KCND2: variants seen among roughly 807,000 people sequenced by gnomAD.
KCND2 encodes the protein potassium voltage-gated channel subfamily D member 2, also known as A-type voltage-gated potassium channel KCND2.
A neutral mutation model predicts 54.4 loss-of-function variants in KCND2; 16 were observed. The observed-to-expected ratio is 0.29, with a 90% CI of 0.20 to 0.45. The LOEUF is 0.45. Among genes scored for constraint, KCND2 ranks in the 20% least tolerant of loss-of-function variants. The probability of loss-of-function intolerance (pLI) is 1.00; values close to 1 mark genes in which losing one functional copy is unlikely to be tolerated. For missense variants in KCND2, 486 were observed against 824.2 expected (o/e 0.59, Z 5.02); for synonymous variants, 317 against 310.7 (o/e 1.02, Z -0.21).
chr7:120,561,598 ATTTTTTTTTTTTTTTTT>A (rs57015988), intron 1 of KCND2, among the ~76,000 whole-genome samples: 1 of 47,280 alleles, frequency 2.1e-5, no homozygotes, highest in African/African-American at 7.8e-5. Context: ...AAGCTACCTG[ATTTTTTTTTTTTTTTTT>A]TTTTTTTTTT....
intron 1 of KCND2, among the ~76,000 whole-genome samples, chr7:120,461,199 T>C (rs1802279417): frequency 6.6e-6 from 1 of 152,118 alleles, no homozygotes; most frequent in Non-Finnish European, 1.5e-5. Flanking sequence ...GCAGCTCAGC[T>C]CCTACAATGA....
intron 1 of KCND2, among the ~76,000 whole-genome samples, chr7:120,356,091 A>G (rs1800499593): frequency 6.6e-6 from 1 of 152,140 alleles, no homozygotes; most frequent in Admixed American, 6.6e-5. Context: ...GTTATTAGAA[A>G]GGACAAACCA....
At chr7:120,657,518 A>G (rs1222303918) in intron 1 of KCND2, among the ~76,000 whole-genome samples, 1 of 152,094 alleles carries the variant, frequency 6.6e-6, no homozygotes. Flanking sequence ...CGTACATGCT[A>G]GTGTGAAATA....
chr7:120,409,017 G>A (rs1801408165), intron 1 of KCND2, among the ~76,000 whole-genome samples: 1 of 151,872 alleles, frequency 6.6e-6, no homozygotes, highest in Non-Finnish European at 1.5e-5. Flanking sequence ...GGAAGGTCAC[G>A]CTAAGAGCAA....
chr7:120,467,163 C>T (rs1001608584), intron 1 of KCND2, among the ~76,000 whole-genome samples: 1 of 152,028 alleles, frequency 6.6e-6, no homozygotes, highest in Non-Finnish European at 1.5e-5. Flanking sequence ...AAGCCTAACA[C>T]TGTATATTAA....
intron 1 of KCND2, among the ~76,000 whole-genome samples, chr7:120,436,174 A>G (rs535921252): frequency 1.3e-5 from 2 of 152,350 alleles, no homozygotes; most frequent in Admixed American, 1.3e-4. Context: ...ATTCTTTCCA[A>G]TAAAAATATT....
At chr7:120,742,034 G>C (rs1179130192) in intron 3 of KCND2, among the ~76,000 whole-genome samples, 1 of 152,158 alleles carries the variant, frequency 6.6e-6, no homozygotes, top group Non-Finnish European at 1.5e-5. Context: ...TCATAACGAA[G>C]AGGGAATACT....
chr7:120,337,124 CA>C (rs1800162800), intron 1 of KCND2, among the ~76,000 whole-genome samples: 1 of 151,936 alleles, frequency 6.6e-6, no homozygotes, highest in South Asian at 2.1e-4. Flanking sequence ...TGTCATGCTA[CA>C]AGGTGAAAGT....
intron 1 of KCND2, among the ~76,000 whole-genome samples, chr7:120,398,520 A>C (rs1276400527): frequency 3.3e-5 from 5 of 152,042 alleles, no homozygotes; most frequent in African/African-American, 1.2e-4. Flanking sequence ...GTGTCTCTAG[A>C]GGGAGTGAGT....
chr7:120,545,083 A>C (rs1792027149), intron 1 of KCND2, among the ~76,000 whole-genome samples: 1 of 151,900 alleles, frequency 6.6e-6, no homozygotes, highest in African/African-American at 2.4e-5. Context: ...TATATATTCA[A>C]ACAAACATTA....
At chr7:120,482,779 A>G (rs1267846144) in intron 1 of KCND2, among the ~76,000 whole-genome samples, 1 of 152,202 alleles carries the variant, frequency 6.6e-6, no homozygotes, top group Admixed American at 6.5e-5. Flanking sequence ...TAAATTACCT[A>G]GTCTGTGGCA....
intron 1 of KCND2, among the ~76,000 whole-genome samples, chr7:120,494,328 A>C (rs1260927874): frequency 6.6e-6 from 1 of 152,116 alleles, no homozygotes; most frequent in Non-Finnish European, 1.5e-5. Flanking sequence ...TTATTTCTAT[A>C]TATTGTGACA....
chr7:120,464,004 G>A (rs1250283358), intron 1 of KCND2: 1 of 951,364 alleles, frequency 1.1e-6, no homozygotes, highest in Non-Finnish European at 1.2e-6. Flanking sequence ...TAAATAAAAT[G>A]TTTCTTAGTT....
chr7:120,519,743 T>C (rs1269941693), intron 1 of KCND2, among the ~76,000 whole-genome samples: 2 of 152,154 alleles, frequency 1.3e-5, no homozygotes, highest in Non-Finnish European at 2.9e-5. Context: ...ATAGCCACCA[T>C]AATTTAATGG....
At position 120,611,811 on chromosome 7, in the gene KCND2, G is replaced by A. The variant is rs138424747; in HGVS notation, c.1116-121092G>A. 2.3e-3 allele frequency among the ~76,000 whole-genome samples: 350 copies of A among 152,198 alleles called. 3 individuals are homozygous for A. Among genetic ancestry groups the A allele is most frequent in the Middle Eastern group, 6.8e-3 (2 of 294 alleles). On this transcript the variant is annotated intron_variant, in intron 1 of 5. Coordinates refer to ENST00000331113, the MANE Select transcript of KCND2 (RefSeq NM_012281.3). ...TTACAAAACCCTGGAGTCATCACAGGGCTCTTGCCTCAGCTTCTCTACGAA... is the reference window on the plus strand; with the variant it reads ...TTACAAAACCCTGGAGTCATCACAGAGCTCTTGCCTCAGCTTCTCTACGAA...
chr7:120,464,822 C>T (rs1802344902), intron 1 of KCND2, among the ~76,000 whole-genome samples: 1 of 152,158 alleles, frequency 6.6e-6, no homozygotes, highest in Admixed American at 6.6e-5. Flanking sequence ...TCCCGTCCAT[C>T]TTCAAAGCCA....
At chr7:120,329,054 T>A (rs1584732669) in intron 1 of KCND2, among the ~76,000 whole-genome samples, 2 of 151,988 alleles carry the variant, frequency 1.3e-5, no homozygotes, top group South Asian at 2.1e-4. Context: ...TCTACTGTCA[T>A]GGAAATAAAA....
intron 1 of KCND2, among the ~76,000 whole-genome samples, chr7:120,608,124 A>G (rs904930845): frequency 1.3e-5 from 2 of 152,060 alleles, no homozygotes; most frequent in Admixed American, 6.6e-5. Flanking sequence ...AGAGATTTAA[A>G]TCAAGTTCAT....
At chr7:120,437,523 G>T (rs1259492529) in intron 1 of KCND2, among the ~76,000 whole-genome samples, 2 of 150,682 alleles carry the variant, frequency 1.3e-5, no homozygotes, top group East Asian at 4.0e-4. Flanking sequence ...CATTCTAACT[G>T]CTGTCTGAAT....
Sources: gnomAD v4.1 joint callset for allele counts (sites outside exome capture counted in the v4.1 genomes callset) on GRCh38, gnomAD v4.1.1 for gene constraint, MANE v1.5 for transcripts, NCBI Gene and HGNC (gene_info 2026-07-23, HGNC 2026-07-21) for gene names.